HELZ2: variants seen among roughly 807,000 people sequenced by gnomAD.
HELZ2 encodes the protein 3'-5' exoribonuclease HELZ2.
Under a neutral mutation model 208.8 loss-of-function variants are expected in HELZ2, and 143 were observed. The ratio of observed to expected loss-of-function variants is 0.68; its 90% confidence interval spans 0.60 to 0.79. The LOEUF is 0.79. Ranked by LOEUF, HELZ2 falls within the 30% of genes least tolerant of loss-of-function variation. The pLI, the probability that HELZ2 is intolerant of heterozygous loss-of-function variation, is 0.00. For synonymous variants in HELZ2, 1,705 were observed against 1,693.7 expected (o/e 1.01, Z -0.16); for missense variants, 3,690 against 3,794.5 (o/e 0.97, Z 0.72).
exon 6 of HELZ2, chr20:63,567,403 C>T (rs769681419): frequency 5.1e-6 from 8 of 1,581,392 alleles, no homozygotes; most frequent in South Asian, 2.3e-5. Flanking sequence ...CCTGAGCTCA[C>T]GGGCCTGGGA....
In HELZ2 at chr20:63,570,886, C is replaced by G; in HGVS notation, c.279-18G>C. The G allele has an allele frequency of 6.4e-7, 1 of 1,570,390 alleles. No individual in the cohort carries two copies. Among genetic ancestry groups the G allele is most frequent in the Non-Finnish European group, 8.7e-7 (1 of 1,153,756 alleles). ...GGTCAGGCCTGGGGGACAGGGAGGT[C>G]AGCAGGGCTACACAGAGGCACAGCC... On this transcript the variant is annotated intron_variant, in intron 1 of 18. Transcript: ENST00000467148.
intron 5 of HELZ2, chr20:63,568,041 G>A (rs935529809): frequency 9.2e-6 from 5 of 541,626 alleles, no homozygotes; most frequent in African/African-American, 5.7e-5. Flanking sequence ...TTGTGGTTAG[G>A]ACAAAGATCT....
At chr20:63,559,026 T>C, downstream of HELZ2, 2 of 513,372 alleles carry the variant, frequency 3.9e-6, no homozygotes, top group Non-Finnish European at 6.9e-6. Context: ...TTGGCCACCC[T>C]GAGAGGTGTT....
At chr20:63,565,203 G>T (rs750726958) in exon 8 of HELZ2, 1 of 1,608,256 alleles carries the variant, frequency 6.2e-7, no homozygotes, top group Non-Finnish European at 8.5e-7. Context: ...GTGTCCATGC[G>T]GCACACAAAC....
chr20:63,568,710 G>A lies in HELZ2; in HGVS notation c.1378C>T (p.Gln460Ter). Residue 460 changes from glutamine (Q) to a stop codon, truncating the protein, a stop_gained, in exon 5 of 19, where the codon CAG (glutamine) becomes TAG (stop). Coordinates refer to ENST00000467148, the Ensembl canonical transcript of HELZ2. LOFTEE classifies it high-confidence loss of function. ...TCCAGGACCAGGCGGGCCTCAGGCT[G>A]CAGCCCCAGGGCCAAGCAGCAGCGG... is the stretch of plus-strand genomic sequence containing the variant. 1 of 1,605,806 alleles carries A rather than the reference G, an allele frequency of 6.2e-7. No homozygotes were observed. The highest frequency in any genetic ancestry group is 8.5e-7 in the Non-Finnish European group (1 of 1,179,126).
chr20:63,561,882 A>C, exon 11 of HELZ2: 1 of 1,574,522 alleles, frequency 6.4e-7, no homozygotes. Flanking sequence ...GGGACCCCCC[A>C]GCCGCTTCTC....
chr20:63,573,456 G>A (rs545138577), upstream of HELZ2, among the ~76,000 whole-genome samples: 1 of 152,156 alleles, frequency 6.6e-6, no homozygotes. This position sits in a 1 kb window ranked among gnomAD's most constrained non-coding sequence, Gnocchi z 4.9. Flanking sequence ...CCCGGACACA[G>A]CCAGACCCTC....
exon 14 of HELZ2, chr20:63,561,225 C>T (rs1180140756): frequency 1.2e-6 from 2 of 1,612,768 alleles, no homozygotes; most frequent in East Asian, 2.2e-5. Context: ...AGGATGACCT[C>T]ATGCCGGTCC....
chr20:63,564,051 G>T (rs775810065), exon 8 of HELZ2: 4 of 1,605,006 alleles, frequency 2.5e-6, no homozygotes, highest in Non-Finnish European at 3.4e-6. Context: ...GTGTCGGGGG[G>T]ACTGCCCCCG....
intron 7 of HELZ2, 43 bp from the exon 9 acceptor site, chr20:63,566,274 G>A (rs1284647800): frequency 1.4e-5 from 21 of 1,489,316 alleles, no homozygotes; most frequent in East Asian, 2.5e-5. Flanking sequence ...TGCGCAAGAC[G>A]GTGGGACCAG....
Position 63,568,851 on chromosome 20 carries a change from G to A in HELZ2, c.1237C>T (p.Arg413Trp), listed in dbSNP as rs201866908. 203 of 1,612,124 alleles carry A rather than the reference G, an allele frequency of 1.3e-4. No individual in the cohort carries two copies. Among genetic ancestry groups the A allele is most frequent in the Non-Finnish European group, 1.6e-4 (184 of 1,179,914 alleles). ...GCCACCAGGGCTGTGCTGACCGCCC[G>A]GCCCAGCAGGAAGCCCTGGTCTGTG... The change falls in exon 5 of 19, where the codon CGG becomes TGG. Residue 413 changes from arginine to tryptophan, a missense_variant. By Grantham distance (101) the Arg-to-Trp change is moderately radical. Coordinates refer to ENST00000467148, the Ensembl canonical transcript of HELZ2.
intron 12 of HELZ2, 61 bp from the exon 14 acceptor site, chr20:63,561,527 T>C: frequency 2.2e-5 from 34 of 1,566,260 alleles, no homozygotes; most frequent in Middle Eastern, 1.7e-4. Flanking sequence ...CAGAGCTCAG[T>C]GAGACCCACC....
chr20:63,564,676 G>T, exon 8 of HELZ2: 1 of 1,587,370 alleles, frequency 6.3e-7, no homozygotes, highest in Non-Finnish European at 8.6e-7. Context: ...CCAGCACCCC[G>T]TCCCTGGGCA....
At position 63,565,965 on chromosome 20, in the gene HELZ2, G is replaced by GGA; in HGVS notation, c.2856_2857insTC (p.Gln953SerfsTer30). On this transcript the variant is annotated frameshift_variant, in exon 8 of 19. Coordinates refer to ENST00000467148, the Ensembl canonical transcript of HELZ2. LOFTEE classifies it high-confidence loss of function. ...CAGCGCCGTCTCTGCGCCACACCCT[G>GGA]CTCGACCTGCTCCATGGACAGGCCC... 1.3e-6 allele frequency: 2 copies of GGA among 1,599,024 alleles called. No homozygotes were observed. Among genetic ancestry groups the GGA allele is most frequent in the Non-Finnish European group, 1.7e-6 (2 of 1,179,486 alleles).
chr20:63,562,751 G>C (rs774851318), exon 8 of HELZ2: 3 of 1,603,016 alleles, frequency 1.9e-6, no homozygotes, highest in Non-Finnish European at 2.6e-6. Flanking sequence ...GCTGGGCCCA[G>C]GGCGTGGGCT....
rs1330057618 is a variant in HELZ2 at position 63,567,634 on chromosome 20, G to A, written c.1731-7C>T. 1 of 1,597,244 alleles carries A rather than the reference G, an allele frequency of 6.3e-7. No homozygotes were observed. Among genetic ancestry groups the A allele is most frequent in the East Asian group, 2.3e-5 (1 of 44,358 alleles). On this transcript the variant is annotated splice_region_variant and splice_polypyrimidine_tract_variant and intron_variant, in intron 5 of 18. Coordinates refer to ENST00000467148, the Ensembl canonical transcript of HELZ2. The stretch of plus-strand genomic sequence containing the variant: ...GATGTAGATGTCGGCGGCACTGCGG[G>A]AGGGGGAGGAGCTCATGGGCTTCTT...
chr20:63,565,848 C>G, exon 8 of HELZ2: 1 of 1,598,526 alleles, frequency 6.3e-7, no homozygotes, highest in Non-Finnish European at 8.5e-7. Flanking sequence ...ATGGCCGTCA[C>G]CACAGCCGCC....
chr20:63,562,567 C>A (rs576948811), exon 8 of HELZ2: 3 of 1,597,404 alleles, frequency 1.9e-6, no homozygotes, highest in Non-Finnish European at 1.7e-6. Context: ...ACAGGGTGCC[C>A]GGCCTCAGCA....
chr20:63,559,339 G>A (rs767966235), exon 19 of HELZ2: 1 of 1,603,484 alleles, frequency 6.2e-7, no homozygotes, highest in Non-Finnish European at 8.5e-7. Context: ...GGCTACGCCA[G>A]AGGGGGCAGC....
Sources: allele counts gnomAD v4.1 joint callset (sites outside exome capture counted in the v4.1 genomes callset), GRCh38; gene constraint gnomAD v4.1.1; non-coding constraint Gnocchi (gnomAD v3.1); transcripts MANE v1.5; gene names NCBI Gene and HGNC (gene_info 2026-07-23, HGNC 2026-07-21).